PPAT: variants seen among roughly 807,000 people sequenced by gnomAD.
The protein encoded by PPAT is phosphoribosyl pyrophosphate amidotransferase.
Under a neutral mutation model 60.2 loss-of-function variants are expected in PPAT, and 20 were observed. That is an observed-to-expected ratio of 0.33 (90% CI 0.23 to 0.48). PPAT has a LOEUF of 0.48. Among genes scored for constraint, PPAT ranks in the 20% least tolerant of loss-of-function variants. The probability of loss-of-function intolerance (pLI) is 0.99; values close to 1 mark genes in which losing one functional copy is unlikely to be tolerated. For missense variants in PPAT, 349 were observed against 629.6 expected (o/e 0.55, Z 4.77); for synonymous variants, 194 against 215.1 (o/e 0.90, Z 0.86).
In PPAT at chr4:56,396,851, A is replaced by G; in HGVS notation, c.1237-112T>C. ...AATATTCAGTAACAACATATGGGTA[A>G]TAAATTATTCTTTCTACAAAGCTGC... On this transcript the variant is annotated intron_variant, in intron 9 of 10. Coordinates refer to ENST00000264220, the MANE Select transcript of PPAT (RefSeq NM_002703.5). This position sits in a 1 kb window ranked among gnomAD's most constrained non-coding sequence, Gnocchi z 4.6. 9.6e-7 allele frequency: 1 copy of G among 1,043,934 alleles called. No homozygotes were observed. Among genetic ancestry groups the G allele is most frequent in the South Asian group, 2.2e-5 (1 of 46,474 alleles). 64.7% of individuals were successfully genotyped at this position (1,043,934 alleles called of 1,614,324 possible).
rs577795664 is a variant in PPAT, at chr4:56,398,722, T to C, written c.1236+457A>G. ...ACCTCAGCCTCCCAAAGTGCTGGAA[T>C]TATAGGCATGAGTCACTGTGCCCAG... On this transcript the variant is annotated intron_variant, in intron 9 of 10. Coordinates refer to ENST00000264220, the MANE Select transcript of PPAT (RefSeq NM_002703.5). 4.7e-4 allele frequency among the ~76,000 whole-genome samples: 72 copies of C among 152,364 alleles called. 1 individual carries two copies. The South Asian group carries it at 6.6e-3, about 14-fold the overall frequency.
chr4:56,403,985 ACCT>A, intron 3 of PPAT: 1 of 426,252 alleles, frequency 2.3e-6, no homozygotes, highest in South Asian at 1.7e-5. Flanking sequence ...CTTACCACTC[ACCT>A]CCTGCTGTGT....
chr4:56,398,729 C>A (rs1444187097), intron 9 of PPAT, among the ~76,000 whole-genome samples: 1 of 152,158 alleles, frequency 6.6e-6, no homozygotes, highest in African/African-American at 2.4e-5. Context: ...GAATTATAGG[C>A]ATGAGTCACT....
At chr4:56,430,521 C>T (rs2110068425) in intron 1 of PPAT, among the ~76,000 whole-genome samples, 1 of 152,126 alleles carries the variant, frequency 6.6e-6, no homozygotes, top group Non-Finnish European at 1.5e-5. Flanking sequence ...GTACATTATT[C>T]CTATTTGTTG....
At chr4:56,411,921 CT>C (rs2110045868) in intron 1 of PPAT, among the ~76,000 whole-genome samples, 1 of 152,308 alleles carries the variant, frequency 6.6e-6, no homozygotes, top group East Asian at 1.9e-4. Context: ...AGAATCCACC[CT>C]GCCTACATTC....
At chr4:56,402,305 A>T in intron 5 of PPAT, 124 bp from the exon 6 acceptor site, 1 of 579,632 alleles carries the variant, frequency 1.7e-6, no homozygotes, top group Middle Eastern at 3.3e-4. Flanking sequence ...CTATGACTTT[A>T]AGAGCACATG....
chr4:56,432,331 C>A (rs140129596), intron 1 of PPAT, among the ~76,000 whole-genome samples: 1 of 152,002 alleles, frequency 6.6e-6, no homozygotes. Flanking sequence ...AGTTCAAGAC[C>A]AGCCTGGTCA....
At chr4:56,414,275 G>C (rs932283455) in intron 1 of PPAT, 2 of 152,198 alleles carry the variant, frequency 1.3e-5, no homozygotes, top group African/African-American at 2.4e-5. Flanking sequence ...GGAAGAAAAC[G>C]AAAGTGCCTT....
In PPAT at chr4:56,401,317, G is replaced by GA. The variant is rs1716107881; in HGVS notation, c.886+12dup. ...CATTTATATGAATGTTCAAAGAAAA[G>GA]AAATCTACTTACCTTCGAACATACT... On this transcript the variant is annotated intron_variant, in intron 7 of 10. Transcript: ENST00000264220. 2 of 1,549,710 alleles carry GA rather than the reference G, an allele frequency of 1.3e-6. No homozygotes were observed. The highest frequency in any genetic ancestry group is 1.7e-6 in the Non-Finnish European group (2 of 1,149,398).
At chr4:56,414,998 T>C (rs1044457778) in intron 1 of PPAT, among the ~76,000 whole-genome samples, 12 of 152,360 alleles carry the variant, frequency 7.9e-5, no homozygotes, top group African/African-American at 1.9e-4. Context: ...TTTGTACTTA[T>C]GTTTATTTTT....
At chr4:56,413,124 G>T (rs371408758) in intron 1 of PPAT, among the ~76,000 whole-genome samples, 43 of 148,820 alleles carry the variant, frequency 2.9e-4, no homozygotes, top group Non-Finnish European at 7.5e-5. Flanking sequence ...TTGGTTTTTT[G>T]TTGTTGTTGT....
At chr4:56,413,040 A>G (rs1482363783) in intron 1 of PPAT, among the ~76,000 whole-genome samples, 7 of 152,324 alleles carry the variant, frequency 4.6e-5, no homozygotes, top group Non-Finnish European at 1.0e-4. Flanking sequence ...TGATACTGCA[A>G]TTAATACCTT....
chr4:56,433,434 T>C (rs1578140244), intron 1 of PPAT, among the ~76,000 whole-genome samples: 1 of 138,390 alleles, frequency 7.2e-6, no homozygotes, highest in Non-Finnish European at 1.6e-5. Flanking sequence ...CCTATAACCA[T>C]GAATACCAAG....
At chr4:56,398,086 T>G (rs1716024198) in intron 9 of PPAT, among the ~76,000 whole-genome samples, 1 of 151,866 alleles carries the variant, frequency 6.6e-6, no homozygotes, top group African/African-American at 2.4e-5. Flanking sequence ...AAATATAACT[T>G]GGCCGGGCAC....
intron 1 of PPAT, among the ~76,000 whole-genome samples, chr4:56,432,101 G>T (rs1233316805): frequency 6.6e-6 from 1 of 152,142 alleles, no homozygotes; most frequent in East Asian, 1.9e-4. Flanking sequence ...ATATGAAATG[G>T]CTAATATACC....
In PPAT at chr4:56,403,194, A is replaced by C; in HGVS notation, c.516-9T>G. 1 of 1,582,560 alleles carries C rather than the reference A, an allele frequency of 6.3e-7. No homozygotes were observed. The highest frequency in any genetic ancestry group is 8.6e-7 in the Non-Finnish European group (1 of 1,160,838). On this transcript the variant is annotated splice_polypyrimidine_tract_variant and intron_variant, in intron 4 of 10. Coordinates refer to ENST00000264220, the MANE Select transcript of PPAT (RefSeq NM_002703.5). ...TCATCAAGTTTTTAATCCTGGAATT[A>C]ATTAAATAATTGAATGAATAACTTC...
chr4:56,421,566 T>A (rs1717038791), intron 1 of PPAT: 1 of 152,198 alleles, frequency 6.6e-6, no homozygotes, highest in Non-Finnish European at 1.5e-5. Context: ...CCACAGTGTC[T>A]CCGGATTTTA....
At chr4:56,422,270 C>T (rs1046704159) in intron 1 of PPAT, 1 of 151,996 alleles carries the variant, frequency 6.6e-6, no homozygotes, top group Non-Finnish European at 1.5e-5. Context: ...TGAGACTCTG[C>T]CTCAAAAACA....
chr4:56,429,004 T>C (rs1349248531), intron 1 of PPAT: 9 of 965,770 alleles, frequency 9.3e-6, no homozygotes, highest in Non-Finnish European at 9.9e-6. Context: ...CACATGAAGA[T>C]GGTAAGAGCC....
Sources: allele counts gnomAD v4.1 joint callset (sites outside exome capture counted in the v4.1 genomes callset), GRCh38; gene constraint gnomAD v4.1.1; non-coding constraint Gnocchi (gnomAD v3.1); transcripts MANE v1.5; gene names NCBI Gene and HGNC (gene_info 2026-07-23, HGNC 2026-07-21).